The following KLHL18 variants were observed in gnomAD, a reference collection of about 807,000 sequenced individuals.
KLHL18 encodes kelch-like protein 18.
KLHL18 carries 38 observed loss-of-function variants against 58.5 expected under a neutral mutation model. The ratio of observed to expected loss-of-function variants is 0.65; its 90% CI spans 0.50 to 0.85. The LOEUF is 0.85. Among genes scored for constraint, KLHL18 ranks in the 40% least tolerant of loss-of-function variants. The probability of loss-of-function intolerance (pLI) is 0.00; values close to 1 mark genes in which losing one functional copy is unlikely to be tolerated. For synonymous variants in KLHL18, 303 were observed against 301.9 expected (o/e 1.00, Z -0.04); for missense variants, 624 against 778.4 (o/e 0.80, Z 2.36).
At chr3:47,339,502 AAAAAAG>A in intron 7 of KLHL18, among the ~76,000 whole-genome samples, 1 of 152,086 alleles carries the variant, frequency 6.6e-6, no homozygotes, top group African/African-American at 2.4e-5. Context: ...AAAAAAAAAA[AAAAAAG>A]AAAATAACAA....
intron 2 of KLHL18, among the ~76,000 whole-genome samples, chr3:47,320,142 A>G (rs1703552396): frequency 6.6e-6 from 1 of 151,986 alleles, no homozygotes. Flanking sequence ...TCTTCAAATA[A>G]GTGTCTTCAT....
chr3:47,318,731 TG>T (rs1703513672), intron 1 of KLHL18, among the ~76,000 whole-genome samples: 1 of 152,248 alleles, frequency 6.6e-6, no homozygotes, highest in Non-Finnish European at 1.5e-5. Context: ...TGCTAGTTGT[TG>T]TTTTTTCTTT....
At chr3:47,343,521 C>G in intron 9 of KLHL18, 34 bp from the exon 10 acceptor site, 1 of 1,611,108 alleles carries the variant, frequency 6.2e-7, no homozygotes, top group Non-Finnish European at 8.5e-7. Flanking sequence ...TTGCCTCTGA[C>G]TGTCCTGTAC....
At chr3:47,333,136 G>C (rs763934974) in intron 4 of KLHL18, 21 bp from the exon 5 acceptor site, 5 of 1,606,618 alleles carry the variant, frequency 3.1e-6, no homozygotes, top group Non-Finnish European at 2.6e-6. Context: ...TTTGCTGCCA[G>C]AACATCCACT....
chr3:47,322,818 C>A, intron 3 of KLHL18, 110 bp downstream of exon 3: 2 of 1,062,508 alleles, frequency 1.9e-6, no homozygotes, highest in African/African-American at 1.6e-5. Flanking sequence ...AGGGAGTGAG[C>A]TGGAAAGGTT....
Position 47,345,348 on chromosome 3 carries a change from A to C in KLHL18, c.*1407A>C, listed in dbSNP as rs976959067. 1 of 152,708 alleles carries C rather than the reference A, an allele frequency of 6.5e-6. No individual in the cohort carries two copies. Among genetic ancestry groups the C allele is most frequent in the African/African-American group, 2.4e-5 (1 of 41,458 alleles). The allele number at this position is 152,708 out of a possible 1,614,324, so 9.5% of individuals were successfully genotyped here. Reference sequence around the variant, plus strand: ...TCCAGCCCTGGGCAGACTGACCAGCAAGGTGGACCTTTACATTCAAGCACA... The same window carrying C: ...TCCAGCCCTGGGCAGACTGACCAGCCAGGTGGACCTTTACATTCAAGCACA... On this transcript the variant is annotated 3_prime_UTR_variant, in exon 10 of 10. Coordinates refer to ENST00000232766, the MANE Select transcript of KLHL18 (RefSeq NM_025010.5).
At chr3:47,313,331 T>C (rs891799391) in intron 1 of KLHL18, among the ~76,000 whole-genome samples, 1 of 151,668 alleles carries the variant, frequency 6.6e-6, no homozygotes, top group Non-Finnish European at 1.5e-5. Context: ...AATCCTCCTG[T>C]GTCAGCTGCC....
chr3:47,319,579 G>T, intron 1 of KLHL18, 74 bp from the exon 2 acceptor site: 2 of 1,530,634 alleles, frequency 1.3e-6, no homozygotes, highest in Non-Finnish European at 1.8e-6. Context: ...GGAGGGGCAG[G>T]GTGGGTTTTT....
In KLHL18 at chr3:47,343,677, C is replaced by T. The variant is rs757992624; in HGVS notation, c.1461C>T (p.Gly487=). ...TGTTTGTCTGCGGGGGCTACGATGG[C>T]TCTGGCTTCCTCAGCATTGCCGAGA... ...SKMFVCGGYD[G]SGFLSIAEMY... The change falls in exon 10 of 10, where the codon GGC becomes GGT. Residue 487 remains glycine (G), a synonymous_variant. Transcript: ENST00000232766. 2.5e-6 allele frequency: 4 copies of T among 1,614,036 alleles called. No individual in the cohort carries two copies. Among genetic ancestry groups the T allele is most frequent in the African/African-American group, 1.3e-5 (1 of 74,944 alleles).
chr3:47,317,637 A>G (rs1197645245), intron 1 of KLHL18, among the ~76,000 whole-genome samples: 1 of 152,168 alleles, frequency 6.6e-6, no homozygotes, highest in Non-Finnish European at 1.5e-5. Context: ...AAATTATACA[A>G]AAAGGAAATA....
intron 1 of KLHL18, chr3:47,297,684 C>T (rs1334779322): frequency 2.2e-6 from 1 of 448,600 alleles, no homozygotes; most frequent in South Asian, 1.6e-5. Context: ...TAAAATTCAT[C>T]AGAAATTTTG....
At position 47,329,882 on chromosome 3, in the gene KLHL18, C is replaced by T. The variant is rs1703813304; in HGVS notation, c.402-69C>T. The T allele has an allele frequency of 9.4e-6, 13 of 1,384,022 alleles. 1 individual carries two copies. In the South Asian group the frequency reaches 1.1e-4, roughly 11 times the overall value. The allele number at this position is 1,384,022 out of a possible 1,614,324, so 85.7% of individuals were successfully genotyped here. On this transcript the variant is annotated intron_variant, in intron 3 of 9. Transcript: ENST00000232766. ...TTCATTCTGTGGCTCTACCCAGAAC[C>T]AGCCTGAGAATGATCAAAGATAACA...
At chr3:47,320,634 C>G (rs1011617959) in intron 2 of KLHL18, among the ~76,000 whole-genome samples, 18 of 152,170 alleles carry the variant, frequency 1.2e-4, no homozygotes, top group Non-Finnish European at 2.4e-4. Context: ...AATCTCAGGT[C>G]AGGCCAGGCA....
intron 1 of KLHL18, among the ~76,000 whole-genome samples, chr3:47,298,132 C>T (rs1702934521): frequency 6.6e-6 from 1 of 152,022 alleles, no homozygotes; most frequent in Admixed American, 6.5e-5. Flanking sequence ...ATAATCCCAG[C>T]ACTTTGGGAG....
At chr3:47,316,458 C>T (rs1165578092) in intron 1 of KLHL18, among the ~76,000 whole-genome samples, 2 of 138,522 alleles carry the variant, frequency 1.4e-5, no homozygotes, top group Admixed American at 7.6e-5. Context: ...CCTGTCTGTA[C>T]AAATATATAT....
At chr3:47,321,324 T>G (rs1382370117) in intron 2 of KLHL18, among the ~76,000 whole-genome samples, 2 of 138,054 alleles carry the variant, frequency 1.4e-5, no homozygotes, top group Non-Finnish European at 3.1e-5. Context: ...GCACCTGCCG[T>G]TTTTTTTTTT....
intron 1 of KLHL18, among the ~76,000 whole-genome samples, chr3:47,317,715 T>G (rs1371347063): frequency 6.6e-6 from 1 of 152,236 alleles, no homozygotes; most frequent in Non-Finnish European, 1.5e-5. Context: ...CAACTCTTCA[T>G]ATTAATTTAA....
At chr3:47,311,489 A>C (rs909030831) in intron 1 of KLHL18, among the ~76,000 whole-genome samples, 2 of 152,064 alleles carry the variant, frequency 1.3e-5, no homozygotes, top group Non-Finnish European at 2.9e-5. Context: ...TCAGGAGATC[A>C]AGACCATTCT....
rs1218552989 is a variant in KLHL18, at chr3:47,282,971, G to A, written c.6G>A (p.Val2=). M[V]EDGAEELEDL... The stretch of plus-strand genomic sequence containing the variant: ...AGTTGCAGCGGCCGGGGAAGATGGT[G>A]GAGGACGGCGCGGAGGAGCTGGAGG... The change falls in exon 1 of 10, where the codon GTG becomes GTA. Residue 2 remains valine, a synonymous_variant. Coordinates refer to ENST00000232766, the MANE Select transcript of KLHL18 (RefSeq NM_025010.5). 35 of 1,610,478 alleles carry A rather than the reference G, an allele frequency of 2.2e-5. No homozygotes were observed. Among genetic ancestry groups the A allele is most frequent in the Non-Finnish European group, 3.0e-5 (35 of 1,178,738 alleles).
Sources: allele counts gnomAD v4.1 joint callset (sites outside exome capture counted in the v4.1 genomes callset), GRCh38; gene constraint gnomAD v4.1.1; transcripts MANE v1.5; gene names NCBI Gene and HGNC (gene_info 2026-07-23, HGNC 2026-07-21).